Variants in ZFYVE28 observed in about 807,000 individuals in gnomAD.
ZFYVE28 encodes zinc finger FYVE-type containing 28.
In ZFYVE28, 40 loss-of-function variants were observed where a neutral mutation model predicts 82.1. That is an observed-to-expected ratio of 0.49 (90% CI 0.38 to 0.63). ZFYVE28 has a LOEUF of 0.63. ZFYVE28 is among the 30% of genes least tolerant of loss of function. The probability of loss-of-function intolerance (pLI) is 0.00; values close to 1 mark genes in which losing one functional copy is unlikely to be tolerated. For missense variants in ZFYVE28, 1,321 were observed against 1,242.1 expected (o/e 1.06, Z -0.96); for synonymous variants, 612 against 546.1 (o/e 1.12, Z -1.68).
At chr4:2,288,571 G>C (rs1238278933) in intron 8 of ZFYVE28, among the ~76,000 whole-genome samples, 1 of 152,238 alleles carries the variant, frequency 6.6e-6, no homozygotes, top group African/African-American at 2.4e-5. Context: ...CTCCAAGCTG[G>C]GTTGGTGAGT....
chr4:2,331,755 G>C (rs1212189992), intron 6 of ZFYVE28, among the ~76,000 whole-genome samples: 1 of 152,130 alleles, frequency 6.6e-6, no homozygotes, highest in East Asian at 1.9e-4. Context: ...CTCACTGCCT[G>C]GTAAGGCCAG....
rs147034179 is a variant in ZFYVE28, at chr4:2,305,393, G to C, written c.947C>G (p.Pro316Arg). Residue 316 changes from proline (P) to arginine (R), a missense_variant, in exon 8 of 13, where the codon CCT becomes CGT. This residue lies in a region of ZFYVE28 where 978 missense variants were observed against 833.7 expected (regional missense o/e 1.17). Transcript: ENST00000290974. ...GGCCTTAGCTGAGAGTGGCCCCTCA[G>C]GGGGGAGAGGGGCAGAGAGGGCAGG... ...LAPALSAPLP[P>R]EGPLSAKAKD... 1.9e-6 allele frequency: 3 copies of C among 1,612,696 alleles called. No individual in the cohort carries two copies. Among genetic ancestry groups the C allele is most frequent in the Admixed American group, 1.7e-5 (1 of 60,014 alleles).
chr4:2,331,232 T>C (rs1720655512), intron 6 of ZFYVE28, among the ~76,000 whole-genome samples: 1 of 151,314 alleles, frequency 6.6e-6, no homozygotes, highest in Admixed American at 6.6e-5. Context: ...CACACAGCTG[T>C]GAGTGCAGAC....
intron 1 of ZFYVE28, among the ~76,000 whole-genome samples, chr4:2,368,723 C>T (rs1168597149): frequency 1.3e-5 from 2 of 152,216 alleles, no homozygotes; most frequent in African/African-American, 2.4e-5. Context: ...AGGCATCTGT[C>T]GATGAACACT....
chr4:2,314,641 C>T (rs1333574874), intron 7 of ZFYVE28, among the ~76,000 whole-genome samples: 1 of 152,046 alleles, frequency 6.6e-6, no homozygotes, highest in African/African-American at 2.4e-5. Flanking sequence ...TTTAAAATTC[C>T]ATTTACCCCT....
At chr4:2,366,331 G>A (rs919901707) in intron 1 of ZFYVE28, among the ~76,000 whole-genome samples, 3 of 152,214 alleles carry the variant, frequency 2.0e-5, no homozygotes, top group African/African-American at 7.2e-5. Flanking sequence ...AGCTGCACGT[G>A]GGCCTCCCTC....
chr4:2,330,577 T>C, intron 6 of ZFYVE28: 5 of 1,191,778 alleles, frequency 4.2e-6, no homozygotes, highest in South Asian at 1.9e-5. Flanking sequence ...TGGGATAGCA[T>C]GGAGAATGGG....
At chr4:2,275,938 C>G (rs952586159) in intron 8 of ZFYVE28, among the ~76,000 whole-genome samples, 17 of 152,216 alleles carry the variant, frequency 1.1e-4, no homozygotes, top group African/African-American at 4.1e-4. Flanking sequence ...TAATCGCCCA[C>G]CAGCAGAGGC....
intron 2 of ZFYVE28, among the ~76,000 whole-genome samples, chr4:2,350,034 G>C (rs79049337): frequency 2.0e-5 from 3 of 148,732 alleles, no homozygotes; most frequent in African/African-American, 5.0e-5. Flanking sequence ...GTGACACACA[G>C]ACACACACAC....
In ZFYVE28 at chr4:2,354,154, A is replaced by G. The variant is rs1724897237; in HGVS notation, c.40-81T>C. On this transcript the variant is annotated intron_variant, in intron 1 of 12. Coordinates refer to ENST00000290974, the MANE Select transcript of ZFYVE28 (RefSeq NM_020972.3). Reference sequence around the variant, plus strand: ...CGGTTGGTTGCCTTGTCCCCAGGCCATGTGTGGGCTCAGCCTGGGACCTTC... The same window carrying G: ...CGGTTGGTTGCCTTGTCCCCAGGCCGTGTGTGGGCTCAGCCTGGGACCTTC... 3.7e-6 allele frequency: 5 copies of G among 1,363,580 alleles called. No homozygotes were observed. In the South Asian group the frequency reaches 8.7e-5, roughly 24 times the overall value. The allele number at this position is 1,363,580 out of a possible 1,614,324, so 84.5% of individuals were successfully genotyped here.
chr4:2,400,189 G>A lies in ZFYVE28; in HGVS notation c.39+18096C>T, dbSNP rs1331889777. ...GAGGAACACATTTTTTTACTTGACC[G>A]CACTTAATTCATCTACATGAAAGGT... On this transcript the variant is annotated intron_variant, in intron 1 of 12. Transcript: ENST00000290974. Among the ~76,000 whole-genome samples, 5 of 152,322 alleles carry A rather than the reference G, an allele frequency of 3.3e-5. 1 individual carries two copies. In the South Asian group the frequency reaches 6.2e-4, roughly 19 times the overall value.
In ZFYVE28 at chr4:2,304,372, T is replaced by C. The variant is rs765976824; in HGVS notation, c.1968A>G (p.Ala656=). 1.2e-6 allele frequency: 2 copies of C among 1,611,422 alleles called. No individual in the cohort carries two copies. The highest frequency in any genetic ancestry group is 3.3e-5 in the Admixed American group (2 of 60,028). Residue 656 remains alanine, a synonymous_variant, in exon 8 of 13, where the codon GCA becomes GCG. Transcript: ENST00000290974. ...ASGLQGEAGV[A]GQQEPEAREL... The stretch of plus-strand genomic sequence containing the variant: ...CTCTGGCCTCTGGCTCCTGCTGACC[T>C]GCAACCCCAGCCTCTCCTTGCAGCC...
intron 8 of ZFYVE28, chr4:2,287,789 A>G (rs1416946683): frequency 1.3e-5 from 2 of 152,192 alleles, no homozygotes; most frequent in African/African-American, 4.8e-5. Context: ...GTGCGTCAGC[A>G]GTGGGGGCTG....
At chr4:2,405,201 G>A (rs942351885) in intron 1 of ZFYVE28, among the ~76,000 whole-genome samples, 1 of 152,140 alleles carries the variant, frequency 6.6e-6, no homozygotes, top group Non-Finnish European at 1.5e-5. Flanking sequence ...CTGGGCCTGG[G>A]GCCTTCAGGA....
At chr4:2,407,371 A>C (rs1248054236) in intron 1 of ZFYVE28, among the ~76,000 whole-genome samples, 1 of 151,874 alleles carries the variant, frequency 6.6e-6, no homozygotes, top group Non-Finnish European at 1.5e-5. Context: ...GTATTCAGCC[A>C]GTCCAGCAGA....
chr4:2,401,598 T>A (rs2108673934), intron 1 of ZFYVE28, among the ~76,000 whole-genome samples: 1 of 152,044 alleles, frequency 6.6e-6, no homozygotes, highest in African/African-American at 2.4e-5. Context: ...GAAGAGAGTG[T>A]CTACAGAGAG....
At position 2,270,628 on chromosome 4, in the gene ZFYVE28, G is replaced by C. The variant is rs1735821168; in HGVS notation, c.*97C>G. On this transcript the variant is annotated 3_prime_UTR_variant, in exon 13 of 13. Transcript: ENST00000290974. ...TCTGGGTGCCCCTGCAGCAGCGGCAGCGGCCTCATGAGACGCAGTGAGACC... is the reference window on the plus strand; with the variant it reads ...TCTGGGTGCCCCTGCAGCAGCGGCACCGGCCTCATGAGACGCAGTGAGACC... 6.5e-7 allele frequency: 1 copy of C among 1,541,906 alleles called. No individual in the cohort carries two copies. Among genetic ancestry groups the C allele is most frequent in the Non-Finnish European group, 8.8e-7 (1 of 1,134,002 alleles).
At position 2,275,874 on chromosome 4, in the gene ZFYVE28, C is replaced by T. The variant is rs1472643572; in HGVS notation, c.2052-1658G>A. On this transcript the variant is annotated intron_variant, in intron 8 of 12. Coordinates refer to ENST00000290974, the MANE Select transcript of ZFYVE28 (RefSeq NM_020972.3). ...CGCGGTGCTGGGGATTCCAGTGAAA[C>T]GCTGGGCAGGATCCCAAGTCCGCCA... 5.3e-5 allele frequency among the ~76,000 whole-genome samples: 8 copies of T among 152,348 alleles called. No homozygotes were observed. The South Asian group carries it at 1.4e-3, about 28-fold the overall frequency.
chr4:2,385,337 T>C (rs1729142118), intron 1 of ZFYVE28, among the ~76,000 whole-genome samples: 2 of 151,724 alleles, frequency 1.3e-5, no homozygotes, highest in African/African-American at 2.4e-5. Context: ...GCCCCAGCGC[T>C]GAGAGAGCAC....
Sources: gnomAD v4.1 joint callset for allele counts (sites outside exome capture counted in the v4.1 genomes callset) on GRCh38, gnomAD v4.1.1 for gene constraint, gnomAD v4.1.1 regional missense constraint, MANE v1.5 for transcripts, NCBI Gene and HGNC (gene_info 2026-07-23, HGNC 2026-07-21) for gene names.